Variants in MTREX observed in about 807,000 individuals in gnomAD.
MTREX encodes the protein exosome RNA helicase MTR4.
In MTREX, 76 loss-of-function variants were observed where a neutral mutation model predicts 135.4. The ratio of observed to expected loss-of-function variants is 0.56; its 90% CI spans 0.47 to 0.68. MTREX has a LOEUF of 0.68. MTREX is among the 30% of genes least tolerant of loss of function. The pLI is 0.00. For synonymous variants in MTREX, 404 were observed against 401.6 expected, an observed-to-expected ratio of 1.01 and a Z score of -0.07; for missense variants, 920 against 1,262.1, an observed-to-expected ratio of 0.73 and a Z score of 4.11.
At chr5:55,408,576 A>G (rs1408346199) in intron 22 of MTREX, among the ~76,000 whole-genome samples, 1 of 152,204 alleles carries the variant, frequency 6.6e-6, no homozygotes, top group African/African-American at 2.4e-5. Context: ...TCTTTTTTAA[A>G]GACTTTGCAA....
Position 55,345,091 on chromosome 5 carries a change from C to A in MTREX, c.1006-3C>A. 6.2e-7 allele frequency: 1 copy of A among 1,602,026 alleles called. No individual in the cohort carries two copies. The highest frequency in any genetic ancestry group is 8.5e-7 in the Non-Finnish European group (1 of 1,172,602). ...GTTACACAGAAAAAATTTGTGATTC[C>A]AGGGTGACTTCAGAGAAGATAATTT... On this transcript the variant is annotated splice_polypyrimidine_tract_variant and splice_region_variant and intron_variant, in intron 9 of 26. Transcript: ENST00000230640.
chr5:55,417,513 T>C (rs1346859018), intron 25 of MTREX, among the ~76,000 whole-genome samples: 1 of 152,198 alleles, frequency 6.6e-6, no homozygotes, highest in Non-Finnish European at 1.5e-5. Context: ...ACCATCTCCA[T>C]CCACAGAAAA....
At chr5:55,423,943 A>G (rs1462141231) in intron 26 of MTREX, 1 of 152,148 alleles carries the variant, frequency 6.6e-6, no homozygotes, top group Admixed American at 6.5e-5. Flanking sequence ...CTCAGAATTT[A>G]AGTGTAGGTG....
chr5:55,403,359 A>G (rs75167152), intron 21 of MTREX, among the ~76,000 whole-genome samples: 9,195 of 152,218 alleles, frequency 0.06, 505 homozygotes, highest in African/African-American at 0.12. Context: ...ATATGTTGGG[A>G]AAGATCTTGT....
At chr5:55,359,632 T>G (rs111604641) in intron 15 of MTREX, among the ~76,000 whole-genome samples, 1 of 152,198 alleles carries the variant, frequency 6.6e-6, no homozygotes, top group Non-Finnish European at 1.5e-5. Context: ...CTTTAGAGAT[T>G]AACACTTGGA....
chr5:55,328,587 A>G (rs919533072), intron 4 of MTREX, 112 bp from the exon 5 acceptor site: 75 of 655,316 alleles, frequency 1.1e-4, no homozygotes, highest in South Asian at 8.5e-4. Flanking sequence ...ATAAAATCAT[A>G]AAGGAATACT....
intron 26 of MTREX, chr5:55,424,027 G>T (rs1441821721): frequency 1.3e-5 from 2 of 151,448 alleles, no homozygotes; most frequent in African/African-American, 2.4e-5. Context: ...TTTCACATGG[G>T]AACTGAAAAA....
intron 19 of MTREX, among the ~76,000 whole-genome samples, chr5:55,396,279 A>T (rs1716119838): frequency 1.3e-5 from 2 of 152,202 alleles, no homozygotes; most frequent in South Asian, 4.1e-4. Flanking sequence ...CCCTGAATCC[A>T]AAAGTATGAT....
rs1002186233 is a variant in MTREX at position 55,328,629 on chromosome 5, GTTTTGA to G, written c.403-65_403-60del. 64 of 1,069,462 alleles carry G rather than the reference GTTTTGA, an allele frequency of 6.0e-5. No homozygotes were observed. The East Asian group carries it at 8.3e-4, about 14-fold the overall frequency. 66.2% of individuals were successfully genotyped at this position (1,069,462 alleles called of 1,614,324 possible). A position where few individuals can be genotyped will look rare whatever the true frequency, so the allele number is the denominator to read the frequency against. ...ATGCTTTGGGGGGTAGCCTGCTTGT[GTTTTGA>G]TTTTAAGTATGCTCTGATACAACTA... is the stretch of plus-strand genomic sequence containing the variant. On this transcript the variant is annotated intron_variant, in intron 4 of 26. Coordinates refer to ENST00000230640, the MANE Select transcript of MTREX (RefSeq NM_015360.5).
At chr5:55,319,755 ATAAT>A (rs1386342276) in intron 1 of MTREX, among the ~76,000 whole-genome samples, 3 of 152,234 alleles carry the variant, frequency 2.0e-5, no homozygotes, top group African/African-American at 4.8e-5. Context: ...AGAGAAATAA[ATAAT>A]TAGAGTCCTA....
intron 21 of MTREX, among the ~76,000 whole-genome samples, chr5:55,404,338 ATCTAC>A (rs1750768134): frequency 6.6e-6 from 1 of 152,180 alleles, no homozygotes; most frequent in South Asian, 2.1e-4. Context: ...TTTAAAACTT[ATCTAC>A]TCTAAAGGAT....
intron 15 of MTREX, among the ~76,000 whole-genome samples, chr5:55,360,466 C>T (rs528206171): frequency 1.6e-4 from 24 of 151,496 alleles, no homozygotes; most frequent in Admixed American, 1.3e-3. Context: ...TGACTGTGTA[C>T]CTAGGAATGG....
chr5:55,386,656 A>G (rs1237112105), intron 18 of MTREX, among the ~76,000 whole-genome samples: 1 of 152,138 alleles, frequency 6.6e-6, no homozygotes, highest in South Asian at 2.1e-4. Context: ...CACTTCTGTG[A>G]TTGTTATATC....
intron 19 of MTREX, among the ~76,000 whole-genome samples, chr5:55,395,917 TG>T (rs1261079477): frequency 1.3e-5 from 2 of 152,106 alleles, no homozygotes; most frequent in Non-Finnish European, 2.9e-5. Flanking sequence ...CATGGAGTAG[TG>T]GTGGGGAAGG....
At chr5:55,361,062 A>G (rs929150193) in intron 15 of MTREX, among the ~76,000 whole-genome samples, 4 of 152,150 alleles carry the variant, frequency 2.6e-5, no homozygotes, top group Non-Finnish European at 5.9e-5. Context: ...TTGCAAATAG[A>G]TTTTTCAACT....
At chr5:55,315,897 A>G (rs1283591609) in intron 1 of MTREX, among the ~76,000 whole-genome samples, 3 of 151,730 alleles carry the variant, frequency 2.0e-5, no homozygotes, top group Non-Finnish European at 2.9e-5. Flanking sequence ...CGCTCACATC[A>G]TTGTTTTATA....
At chr5:55,388,200 T>A in intron 19 of MTREX, 98 bp downstream of exon 19, 3 of 1,055,234 alleles carry the variant, frequency 2.8e-6, no homozygotes, top group Non-Finnish European at 3.9e-6. Context: ...CATACTATCA[T>A]GATTTCTAAA....
chr5:55,407,171 A>G (rs1750820725), intron 22 of MTREX, among the ~76,000 whole-genome samples: 1 of 152,186 alleles, frequency 6.6e-6, no homozygotes, highest in Non-Finnish European at 1.5e-5. Flanking sequence ...GTAAAAATGT[A>G]ATTATATCGT....
chr5:55,368,287 A>C (rs1356186495), intron 16 of MTREX, among the ~76,000 whole-genome samples: 1 of 151,872 alleles, frequency 6.6e-6, no homozygotes, highest in Non-Finnish European at 1.5e-5. Flanking sequence ...CATCTCTACT[A>C]AAAATACAAA....
Sources: allele counts gnomAD v4.1 joint callset (sites outside exome capture counted in the v4.1 genomes callset), GRCh38; gene constraint gnomAD v4.1.1; transcripts MANE v1.5; gene names NCBI Gene and HGNC (gene_info 2026-07-23, HGNC 2026-07-21).